P2RX1: variants seen among roughly 807,000 people sequenced by gnomAD.
P2RX1 encodes the protein purinergic receptor P2X 1, also known as P2X purinoceptor 1.
P2RX1 carries 42 observed loss-of-function variants against 50.3 expected under a neutral mutation model. The ratio of observed to expected loss-of-function variants is 0.83; its 90% confidence interval spans 0.65 to 1.08. P2RX1 has a LOEUF of 1.08. P2RX1 is among the 50% of genes least tolerant of loss of function. P2RX1 has a pLI of 0.00. For synonymous variants in P2RX1, 199 were observed against 202.6 expected (o/e 0.98, Z 0.15); for missense variants, 449 against 529.0 (o/e 0.85, Z 1.48).
intron 1 of P2RX1, among the ~76,000 whole-genome samples, chr17:3,908,248 C>T (rs1252589925): frequency 1.3e-5 from 2 of 152,142 alleles, no homozygotes; most frequent in Non-Finnish European, 2.9e-5. Context: ...GCATTCATGA[C>T]CTCAACTCTG....
chr17:3,915,430 C>G (rs1359615878), intron 1 of P2RX1: 2 of 456,360 alleles, frequency 4.4e-6, no homozygotes, highest in Admixed American at 4.7e-5. Context: ...CCCGAGACAA[C>G]CATACTGCAG....
At chr17:3,911,982 A>G (rs1162136710) in intron 1 of P2RX1, among the ~76,000 whole-genome samples, 1 of 152,210 alleles carries the variant, frequency 6.6e-6, no homozygotes, top group African/African-American at 2.4e-5. Context: ...GGAGCTCTGG[A>G]GAAGGAGCCA....
intron 8 of P2RX1, 139 bp downstream of exon 8, chr17:3,899,495 G>T (rs1468325354): frequency 1.7e-6 from 2 of 1,159,660 alleles, no homozygotes; most frequent in African/African-American, 1.5e-5. Context: ...CTTCCTGCAT[G>T]GCCACCCAGG....
chr17:3,910,636 A>G (rs544754116), intron 1 of P2RX1, among the ~76,000 whole-genome samples: 79 of 152,328 alleles, frequency 5.2e-4, no homozygotes, highest in African/African-American at 1.8e-3. Flanking sequence ...GACACAGGGT[A>G]TGGCCATGGG....
At chr17:3,900,405 G>A (rs1470781223) in intron 7 of P2RX1, among the ~76,000 whole-genome samples, 1 of 151,960 alleles carries the variant, frequency 6.6e-6, no homozygotes, top group African/African-American at 2.4e-5. Flanking sequence ...AGTGAGCCGA[G>A]ATCACACCAC....
intron 1 of P2RX1, among the ~76,000 whole-genome samples, chr17:3,909,163 T>A (rs1294769624): frequency 2.6e-5 from 4 of 152,104 alleles, no homozygotes; most frequent in Admixed American, 2.6e-4. Flanking sequence ...CCCGAGTAGC[T>A]GGGACTACGG....
In P2RX1 at chr17:3,896,764, G is replaced by A. The variant is rs990401007; in HGVS notation, c.*1050C>T. Reference sequence around the variant, plus strand: ...GCTGAGTAAGGATTCATGGCTGGGAGGGCTGTCCTGGCCTGGCACACTTGG... The same window carrying A: ...GCTGAGTAAGGATTCATGGCTGGGAAGGCTGTCCTGGCCTGGCACACTTGG... On this transcript the variant is annotated 3_prime_UTR_variant, in exon 12 of 12. Coordinates refer to ENST00000225538, the MANE Select transcript of P2RX1 (RefSeq NM_002558.4). The A allele has an allele frequency of 6.6e-6, 1 of 152,272 alleles. No individual in the cohort carries two copies. The highest frequency in any genetic ancestry group is 1.5e-5 in the Non-Finnish European group (1 of 68,080). The allele number at this position is 152,272 out of a possible 1,614,324, so 9.4% of individuals were successfully genotyped here.
Position 3,916,302 on chromosome 17 carries a change from C to T in P2RX1, c.-77G>A, listed in dbSNP as rs1047028407. On this transcript the variant is annotated 5_prime_UTR_variant, in exon 1 of 12. It adds an upstream start codon to the 5' untranslated region. Coordinates refer to ENST00000225538, the MANE Select transcript of P2RX1 (RefSeq NM_002558.4). ...AGGGTGAGCCGGGTGCCACCACCCA[C>T]GTCGATGGTAGAGCTTCTGGGGGCT... 79 of 1,523,474 alleles carry T rather than the reference C, an allele frequency of 5.2e-5. 1 individual carries two copies. Among genetic ancestry groups the T allele is most frequent in the South Asian group, 1.1e-4 (9 of 85,622 alleles). 94.4% of individuals were successfully genotyped at this position (1,523,474 alleles called of 1,614,324 possible).
rs751889434 is a variant in P2RX1, at chr17:3,916,070, G to A, written c.137+19C>T. On this transcript the variant is annotated intron_variant, in intron 1 of 11. Coordinates refer to ENST00000225538, the MANE Select transcript of P2RX1 (RefSeq NM_002558.4). ...CGGGGTAGGGGCTGGTGCAGGCAGC[G>A]GGAGGCGCCCGGACTCACCCGATGA... 5 of 1,612,918 alleles carry A rather than the reference G, an allele frequency of 3.1e-6. No individual in the cohort carries two copies. Among genetic ancestry groups the A allele is most frequent in the African/African-American group, 1.3e-5 (1 of 74,908 alleles).
chr17:3,904,362 C>G lies in P2RX1; in HGVS notation c.395G>C (p.Cys132Ser), dbSNP rs1343180585. Residue 132 changes from cysteine (C) to serine (S), a missense_variant, in exon 4 of 12, where the codon TGT (cysteine) becomes TCT (serine). Coordinates refer to ENST00000225538, the MANE Select transcript of P2RX1 (RefSeq NM_002558.4). ...EGGICKEDSG[C>S]TPGKAKRKAQ... ...CTTCCTCTTGGCCTTCCCAGGGGTA[C>G]AGCCACTGTCTTCCTTGCATATGCC... The G allele has an allele frequency of 6.2e-7, 1 of 1,613,918 alleles. No individual in the cohort carries two copies. The highest frequency in any genetic ancestry group is 2.2e-5 in the East Asian group (1 of 44,886).
Position 3,903,612 on chromosome 17 carries a change from C to T in P2RX1, c.544G>A (p.Ala182Thr), listed in dbSNP as rs764142900. 9.9e-6 allele frequency: 16 copies of T among 1,613,838 alleles called. No individual in the cohort carries two copies. Among genetic ancestry groups the T allele is most frequent in the Non-Finnish European group, 1.4e-5 (16 of 1,179,986 alleles). ...TTGATGAAAAGAGTGAAGTTCTCGGCCTCTCGGAGAAGGGCAGGGCTGGAG... is the reference window on the plus strand; with the variant it reads ...TTGATGAAAAGAGTGAAGTTCTCGGTCTCTCGGAGAAGGGCAGGGCTGGAG... ...DIPRPALLRE[A>T]ENFTLFIKNS... The change falls in exon 6 of 12, where the codon GCC (alanine) becomes ACC (threonine). Residue 182 changes from alanine (A) to threonine (T), a missense_variant. Physicochemically the swap from Ala to Thr is moderately conservative, Grantham distance 58. Coordinates refer to ENST00000225538, the MANE Select transcript of P2RX1 (RefSeq NM_002558.4). The surrounding 1 kb of genome is among the most constrained non-coding windows in gnomAD (Gnocchi z 4.6).
Position 3,914,062 on chromosome 17 carries a change from G to C in P2RX1, c.137+2027C>G, listed in dbSNP as rs1047295980. On this transcript the variant is annotated intron_variant, in intron 1 of 11. Coordinates refer to ENST00000225538, the MANE Select transcript of P2RX1 (RefSeq NM_002558.4). The surrounding 1 kb of genome is among the most constrained non-coding windows in gnomAD (Gnocchi z 4.1). ...ACCACAGCCTGAGCAGGAGCTGGAA[G>C]CCTGGGCCTGCAGCCCTGGGGGTTG... Among the ~76,000 whole-genome samples, 2 of 152,242 alleles carry C rather than the reference G, an allele frequency of 1.3e-5. No individual in the cohort carries two copies. The highest frequency in any genetic ancestry group is 6.5e-5 in the Admixed American group (1 of 15,286).
rs2056202870 is a variant in P2RX1, at chr17:3,903,820, G to T, written c.524+108C>A. Reference sequence around the variant, plus strand: ...ATCTTCAGCCTAGGTTGCGCGGATGGGGTGAGGGTGGGGTCAGAAAAAGGG... The same window carrying T: ...ATCTTCAGCCTAGGTTGCGCGGATGTGGTGAGGGTGGGGTCAGAAAAAGGG... On this transcript the variant is annotated intron_variant, in intron 5 of 11. Transcript: ENST00000225538. The surrounding 1 kb of genome is among the most constrained non-coding windows in gnomAD (Gnocchi z 4.6). 1.7e-5 allele frequency: 19 copies of T among 1,128,478 alleles called. No homozygotes were observed. In the South Asian group the frequency reaches 2.0e-4, roughly 12 times the overall value. 69.9% of individuals were successfully genotyped at this position (1,128,478 alleles called of 1,614,324 possible).
chr17:3,904,956 G>A (rs545202815), intron 2 of P2RX1, 27 bp from the exon 3 acceptor site: 3 of 1,261,990 alleles, frequency 2.4e-6, no homozygotes, highest in Admixed American at 3.9e-5. Context: ...GGGGGAGGGT[G>A]GGGTGGGCTG....
Position 3,914,604 on chromosome 17 carries a change from A to G in P2RX1, c.137+1485T>C, listed in dbSNP as rs2056418749. Among the ~76,000 whole-genome samples, 2 of 152,168 alleles carry G rather than the reference A, an allele frequency of 1.3e-5. No homozygotes were observed. The highest frequency in any genetic ancestry group is 6.5e-5 in the Admixed American group (1 of 15,280). Reference sequence around the variant, plus strand: ...TGGGCCTGCGCAGACAGCCTCTCCCAGGGACGGTCAGGAGTGATACTAAGG... The same window carrying G: ...TGGGCCTGCGCAGACAGCCTCTCCCGGGGACGGTCAGGAGTGATACTAAGG... On this transcript the variant is annotated intron_variant, in intron 1 of 11. Transcript: ENST00000225538. The surrounding 1 kb of genome is among the most constrained non-coding windows in gnomAD (Gnocchi z 4.1).
At position 3,897,634 on chromosome 17, in the gene P2RX1, C is replaced by G; in HGVS notation, c.*180G>C. ...CCCTCAGGGTGTGTGGGGTCGGAGC[C>G]GGAGCTCAGATTTGCACAGGTCTCT... On this transcript the variant is annotated 3_prime_UTR_variant, in exon 12 of 12. Coordinates refer to ENST00000225538, the MANE Select transcript of P2RX1 (RefSeq NM_002558.4). 1.5e-6 allele frequency: 1 copy of G among 649,566 alleles called. No homozygotes were observed. Among genetic ancestry groups the G allele is most frequent in the Non-Finnish European group, 2.8e-6 (1 of 360,212 alleles). 40.2% of individuals were successfully genotyped at this position (649,566 alleles called of 1,614,324 possible).
At chr17:3,900,522 G>A (rs559382232) in intron 7 of P2RX1, among the ~76,000 whole-genome samples, 15 of 152,168 alleles carry the variant, frequency 9.9e-5, no homozygotes, top group African/African-American at 3.6e-4. Flanking sequence ...AAACTGTTTT[G>A]GGGTAGAGGT....
At chr17:3,909,038 C>A (rs1476416977) in intron 1 of P2RX1, among the ~76,000 whole-genome samples, 1 of 149,208 alleles carries the variant, frequency 6.7e-6, no homozygotes, top group Non-Finnish European at 1.5e-5. Context: ...TCTATGAGTT[C>A]TTTTTTTTTT....
intron 4 of P2RX1, 80 bp from the exon 5 acceptor site, chr17:3,904,104 T>A: frequency 8.2e-7 from 1 of 1,218,936 alleles, no homozygotes; most frequent in Non-Finnish European, 1.2e-6. Flanking sequence ...GAGCTCCCAG[T>A]GACGGGCCAC....
Sources: allele counts gnomAD v4.1 joint callset (sites outside exome capture counted in the v4.1 genomes callset), GRCh38; gene constraint gnomAD v4.1.1; non-coding constraint Gnocchi (gnomAD v3.1); transcripts MANE v1.5; gene names NCBI Gene and HGNC (gene_info 2026-07-23, HGNC 2026-07-21).